The following IL1RAPL1 variants were observed in gnomAD, a reference collection of about 807,000 sequenced individuals.
The protein encoded by IL1RAPL1 is interleukin-1 receptor accessory protein-like 1.
Under a neutral mutation model 48.4 loss-of-function variants are expected in IL1RAPL1, and 3 were observed. The ratio of observed to expected loss-of-function variants is 0.06; its 90% CI spans 0.03 to 0.16. The LOEUF (loss-of-function observed/expected upper bound fraction) is 0.16. Ranked by LOEUF, IL1RAPL1 falls within the 10% of genes least tolerant of loss-of-function variation. The pLI is 1.00. For missense variants in IL1RAPL1, 349 were observed against 530.6 expected, an observed-to-expected ratio of 0.66 and a Z score of 3.36; for synonymous variants, 185 against 187.7, an observed-to-expected ratio of 0.99 and a Z score of 0.12.
intron 2 of IL1RAPL1, among the ~76,000 whole-genome samples, chrX:29,161,397 T>C (rs1029240640): frequency 1.8e-5 from 2 of 112,121 alleles, no homozygotes; most frequent in East Asian, 5.6e-4. Context: ...TTCCAATTGC[T>C]TGATGATTAT....
At chrX:29,403,445 T>G (rs1934019224) in intron 5 of IL1RAPL1, among the ~76,000 whole-genome samples, 1 of 110,632 alleles carries the variant, frequency 9.0e-6, no homozygotes, top group African/African-American at 3.3e-5. Context: ...CCCCAGTCCC[T>G]ACATCAGATA....
chrX:28,879,703 T>C (rs1222518198), intron 2 of IL1RAPL1, among the ~76,000 whole-genome samples: 5 of 112,139 alleles, frequency 4.5e-5, no homozygotes, highest in Non-Finnish European at 9.4e-5. Context: ...TTTCCTATTA[T>C]TCCCAAGTTT....
At chrX:29,033,270 C>T (rs1050407931) in intron 2 of IL1RAPL1, among the ~76,000 whole-genome samples, 2 of 111,169 alleles carry the variant, frequency 1.8e-5, no homozygotes, top group African/African-American at 6.5e-5. Context: ...TAACCAAATA[C>T]AATAAATATT....
intron 2 of IL1RAPL1, among the ~76,000 whole-genome samples, chrX:29,109,141 CA>C (rs1227693001): frequency 9.1e-6 from 1 of 109,527 alleles, no homozygotes; most frequent in African/African-American, 3.3e-5. Flanking sequence ...AGAACATATT[CA>C]AAAAAAAGCA....
chrX:28,945,887 G>GTATATA (rs748338390), intron 2 of IL1RAPL1, among the ~76,000 whole-genome samples: 6 of 58,433 alleles, frequency 1.0e-4, no homozygotes, highest in South Asian at 1.4e-3. Context: ...ATATATGTAT[G>GTATATA]TATATATATA....
At chrX:28,959,981 A>C (rs1601978656) in intron 2 of IL1RAPL1, among the ~76,000 whole-genome samples, 2 of 111,996 alleles carry the variant, frequency 1.8e-5, no homozygotes, top group African/African-American at 6.5e-5. Context: ...CCATGGCTCA[A>C]ATGGAGAGAA....
At chrX:28,901,747 T>A (rs1923080087) in intron 2 of IL1RAPL1, among the ~76,000 whole-genome samples, 1 of 112,024 alleles carries the variant, frequency 8.9e-6, no homozygotes, top group African/African-American at 3.2e-5. Flanking sequence ...TAATTTGTTT[T>A]CATTTGCGGT....
At chrX:29,399,682 G>A (rs1001695017) in intron 5 of IL1RAPL1, among the ~76,000 whole-genome samples, 14 of 110,717 alleles carry the variant, frequency 1.3e-4, no homozygotes, top group African/African-American at 4.6e-4. Flanking sequence ...AGCCAGGCGT[G>A]GTGGTGGGCG....
chrX:28,862,549 C>T (rs901655795), intron 2 of IL1RAPL1, among the ~76,000 whole-genome samples: 3 of 111,603 alleles, frequency 2.7e-5, no homozygotes, highest in African/African-American at 9.8e-5. Flanking sequence ...CAACTTCAGG[C>T]CACTCCCTGT....
chrX:28,933,720 A>G (rs1004714401), intron 2 of IL1RAPL1, among the ~76,000 whole-genome samples: 4 of 111,452 alleles, frequency 3.6e-5, no homozygotes, highest in African/African-American at 1.3e-4. Flanking sequence ...TAGGCAGAGC[A>G]GCGGCATGGG....
At chrX:29,585,904 G>GT (rs1923141436) in intron 5 of IL1RAPL1, among the ~76,000 whole-genome samples, 1 of 111,737 alleles carries the variant, frequency 8.9e-6, no homozygotes, top group Non-Finnish European at 1.9e-5. Flanking sequence ...GTTTGCTATT[G>GT]AGTTGTAGGA....
intron 2 of IL1RAPL1, among the ~76,000 whole-genome samples, chrX:29,240,350 T>C (rs1931400945): frequency 2.0e-5 from 2 of 100,265 alleles, no homozygotes; most frequent in African/African-American, 7.4e-5. Context: ...TTTTCCTGCC[T>C]CAGCCTCCCT....
chrX:29,570,629 A>C (rs1922561390), intron 5 of IL1RAPL1, among the ~76,000 whole-genome samples: 1 of 112,264 alleles, frequency 8.9e-6, no homozygotes, highest in South Asian at 3.7e-4. Context: ...TTTATTTACT[A>C]AATGCTGGGC....
chrX:29,611,987 C>T (rs918278066), intron 5 of IL1RAPL1, among the ~76,000 whole-genome samples: 1 of 111,188 alleles, frequency 9.0e-6, no homozygotes, highest in Non-Finnish European at 1.9e-5. Flanking sequence ...CTCTTCTGCT[C>T]ATCTGTCCAT....
At chrX:28,925,732 C>T (rs1923725386) in intron 2 of IL1RAPL1, among the ~76,000 whole-genome samples, 1 of 111,129 alleles carries the variant, frequency 9.0e-6, no homozygotes, top group South Asian at 3.8e-4. Flanking sequence ...ACCATCCTGG[C>T]CGACAGGGTG....
intron 6 of IL1RAPL1, among the ~76,000 whole-genome samples, chrX:29,807,203 T>C (rs1226741325): frequency 9.1e-6 from 1 of 110,053 alleles, no homozygotes; most frequent in Non-Finnish European, 1.9e-5. Context: ...TATATATAAT[T>C]TTTCAATTTC....
intron 3 of IL1RAPL1, among the ~76,000 whole-genome samples, chrX:29,345,272 C>T (rs749534245): frequency 5.4e-5 from 6 of 111,545 alleles, no homozygotes; most frequent in African/African-American, 6.5e-5. Flanking sequence ...ATGTCAGTAT[C>T]GATTTATTTT....
At chrX:28,762,207 A>G (rs896749274) in intron 1 of IL1RAPL1, among the ~76,000 whole-genome samples, 1 of 112,002 alleles carries the variant, frequency 8.9e-6, no homozygotes, top group African/African-American at 3.2e-5. Context: ...AGAAGAGAAC[A>G]TTATAAATGA....
At chrX:28,621,391 C>T (rs893747549) in intron 1 of IL1RAPL1, among the ~76,000 whole-genome samples, 3 of 111,189 alleles carry the variant, frequency 2.7e-5, no homozygotes, top group Non-Finnish European at 5.7e-5. Context: ...TGGAGGCATT[C>T]GTTGCATTGT....
Sources: gnomAD v4.1 joint callset for allele counts (sites outside exome capture counted in the v4.1 genomes callset) on GRCh38, gnomAD v4.1.1 for gene constraint, MANE v1.5 for transcripts, NCBI Gene and HGNC (gene_info 2026-07-23, HGNC 2026-07-21) for gene names.